The following BRD10 variants were observed in gnomAD, a reference collection of about 807,000 sequenced individuals.
BRD10 encodes bromodomain containing 10, also known as uncharacterized bromodomain-containing protein 10.
chr9:5,989,626 C>G, the BRD10 span, among the ~76,000 whole-genome samples: 14 of 150,692 alleles, frequency 9.3e-5, no homozygotes, highest in Middle Eastern at 3.4e-3. Context: ...CCTCCCTGGG[C>G]TCAGGTGATC....
chr9:5,943,775 CATA>C, the BRD10 span, among the ~76,000 whole-genome samples: 2 of 152,074 alleles, frequency 1.3e-5, no homozygotes, highest in East Asian at 1.9e-4. Context: ...AATTATTGAA[CATA>C]ATGTTTTCTT....
At chr9:5,978,955 A>G in the BRD10 span, among the ~76,000 whole-genome samples, 1 of 152,248 alleles carries the variant, frequency 6.6e-6, no homozygotes, top group African/African-American at 2.4e-5. Flanking sequence ...TGGGAAGTTA[A>G]AACTTGTACT....
At chr9:5,987,634 A>G in the BRD10 span, among the ~76,000 whole-genome samples, 1 of 152,244 alleles carries the variant, frequency 6.6e-6, no homozygotes, top group Non-Finnish European at 1.5e-5. Flanking sequence ...TATTATTACA[A>G]GAAGAGCAAC....
the BRD10 span, among the ~76,000 whole-genome samples, chr9:5,967,659 G>C: frequency 1.4e-5 from 2 of 143,594 alleles, no homozygotes; most frequent in African/African-American, 5.1e-5. Flanking sequence ...CCTGAAATCA[G>C]TGCTTTTCCT....
At chr9:5,924,151 AAAG>A in the BRD10 span, among the ~76,000 whole-genome samples, 3 of 152,210 alleles carry the variant, frequency 2.0e-5, no homozygotes, top group African/African-American at 7.2e-5. Context: ...CTAATAATAA[AAAG>A]AAGAGCATGA....
chr9:5,921,555 T>C, the BRD10 span: 76 of 1,613,872 alleles, frequency 4.7e-5, no homozygotes, highest in Middle Eastern at 4.9e-4. Flanking sequence ...GAAGAAAGAA[T>C]AGATGGAGCT....
the BRD10 span, chr9:5,881,640 T>C: frequency 6.6e-6 from 1 of 152,198 alleles, no homozygotes; most frequent in Non-Finnish European, 1.5e-5. Context: ...AGCCCTTTCT[T>C]GTCAGCAAAC....
chr9:5,966,504 G>C, the BRD10 span, among the ~76,000 whole-genome samples: 11 of 112,100 alleles, frequency 9.8e-5, 1 homozygote, highest in South Asian at 9.0e-4. Flanking sequence ...CTGTTGACCA[G>C]GCTGGGGTGC....
chr9:5,969,437 C>A, the BRD10 span: 1 of 1,521,666 alleles, frequency 6.6e-7, no homozygotes, highest in South Asian at 1.3e-5. Context: ...CTCCCGAAGC[C>A]TAAAGAAATT....
the BRD10 span, among the ~76,000 whole-genome samples, chr9:5,890,199 T>A: frequency 2.0e-5 from 3 of 152,190 alleles, no homozygotes; most frequent in African/African-American, 7.2e-5. Context: ...TGTTCACGTG[T>A]GAGATATGCC....
chr9:5,991,062 T>C, the BRD10 span, among the ~76,000 whole-genome samples: 1 of 152,210 alleles, frequency 6.6e-6, no homozygotes, highest in Non-Finnish European at 1.5e-5. Context: ...GTATATGTAT[T>C]CACTGTTAAA....
the BRD10 span, among the ~76,000 whole-genome samples, chr9:5,937,549 T>G: frequency 9.6e-3 from 1,457 of 151,736 alleles, 12 homozygotes; most frequent in Non-Finnish European, 0.015. Flanking sequence ...AAAAAGAAAA[T>G]AAAAAGAAAA....
the BRD10 span, among the ~76,000 whole-genome samples, chr9:5,911,740 G>A: frequency 3.3e-5 from 5 of 151,688 alleles, no homozygotes; most frequent in Non-Finnish European, 5.9e-5. Flanking sequence ...TCACTATGTC[G>A]GCCAGGCTGG....
At chr9:6,000,670 A>C in the BRD10 span, among the ~76,000 whole-genome samples, 2 of 128,294 alleles carry the variant, frequency 1.6e-5, no homozygotes, top group African/African-American at 2.5e-5. Context: ...TTTTTAAATA[A>C]TAGTCTGTAA....
the BRD10 span, among the ~76,000 whole-genome samples, chr9:5,961,810 C>A: frequency 2.0e-5 from 3 of 152,090 alleles, no homozygotes; most frequent in African/African-American, 7.2e-5. Flanking sequence ...TTAAATATTA[C>A]CCAAACTGCC....
At chr9:5,901,968 G>C in the BRD10 span, among the ~76,000 whole-genome samples, 1 of 152,136 alleles carries the variant, frequency 6.6e-6, no homozygotes, top group Admixed American at 6.5e-5. Context: ...ATATTGAGCT[G>C]TAGTTTTCTC....
the BRD10 span, chr9:5,909,076 C>T: frequency 1.1e-3 from 306 of 269,376 alleles, no homozygotes; most frequent in Non-Finnish European, 1.8e-3. Flanking sequence ...GTCAGGTTTT[C>T]GAACCTTGAC....
chr9:5,959,115 T>C, the BRD10 span, among the ~76,000 whole-genome samples: 2 of 152,356 alleles, frequency 1.3e-5, no homozygotes, highest in African/African-American at 4.8e-5. Context: ...ATTGAATCAG[T>C]TGCCAAATTC....
chr9:5,954,239 AG>A, the BRD10 span: 4 of 606,070 alleles, frequency 6.6e-6, no homozygotes, highest in Non-Finnish European at 1.2e-5. Context: ...AATCAAAACA[AG>A]CCCCAGTAAA....
Sources: allele counts gnomAD v4.1 joint callset (sites outside exome capture counted in the v4.1 genomes callset), GRCh38; gene constraint gnomAD v4.1.1; transcripts MANE v1.5; gene names NCBI Gene and HGNC (gene_info 2026-07-23, HGNC 2026-07-21).